Variants in MICU2 observed in about 807,000 individuals in gnomAD.
MICU2 encodes mitochondrial calcium uptake 2.
Under a neutral mutation model 60.4 loss-of-function variants are expected in MICU2, and 64 were observed. The ratio of observed to expected loss-of-function variants is 1.06; its 90% CI spans 0.87 to 1.31. The LOEUF (loss-of-function observed/expected upper bound fraction) is 1.31, where lower values mean the gene tolerates loss of function less well. Among genes scored for constraint, MICU2 ranks in the 50% most tolerant of loss-of-function variants. MICU2 has a pLI of 0.00. For synonymous variants in MICU2, 201 were observed against 175.0 expected, an observed-to-expected ratio of 1.15 and a Z score of -1.17; for missense variants, 569 against 531.0, an observed-to-expected ratio of 1.07 and a Z score of -0.70.
chr13:21,558,418 T>C (rs945234906), intron 2 of MICU2, among the ~76,000 whole-genome samples: 4 of 152,196 alleles, frequency 2.6e-5, no homozygotes, highest in Non-Finnish European at 5.9e-5. Context: ...CTTTCCCTAG[T>C]TCTCTTCCGC....
intron 9 of MICU2, among the ~76,000 whole-genome samples, chr13:21,501,405 G>A (rs1025265397): frequency 4.6e-5 from 7 of 152,050 alleles, no homozygotes; most frequent in Admixed American, 3.3e-4. Flanking sequence ...TGGGACTACA[G>A]GCACCTGCCA....
intron 1 of MICU2, among the ~76,000 whole-genome samples, chr13:21,602,392 G>A (rs1037000000): frequency 2.6e-5 from 4 of 151,964 alleles, no homozygotes; most frequent in Non-Finnish European, 5.9e-5. Context: ...CGCGATGGCG[G>A]GCGCCTGTAG....
At chr13:21,586,721 T>C (rs377309292) in intron 1 of MICU2, among the ~76,000 whole-genome samples, 13 of 152,212 alleles carry the variant, frequency 8.5e-5, no homozygotes, top group South Asian at 6.2e-4. Flanking sequence ...TGTTACAGCA[T>C]ATATTTTAGT....
intron 1 of MICU2, 156 bp downstream of exon 1, chr13:21,603,782 AG>A: frequency 1.3e-6 from 1 of 796,826 alleles, no homozygotes; most frequent in Admixed American, 3.0e-5. Context: ...CGGTCCAGGA[AG>A]GAGCGAGTCC....
At position 21,524,308 on chromosome 13, in the gene MICU2, C is replaced by A. The variant is rs116242776; in HGVS notation, c.467-1658G>T. Among the ~76,000 whole-genome samples the A allele has an allele frequency of 2.3e-3, 348 of 152,092 alleles. 3 individuals are homozygous for A. Among genetic ancestry groups the A allele is most frequent in the African/African-American group, 7.6e-3 (316 of 41,484 alleles). On this transcript the variant is annotated intron_variant, in intron 4 of 11. Transcript: ENST00000382374. ...AGCACCAATAATTATCAATTCATGG[C>A]AGGTCTTGCTTTATCTATATTCCTT... is the stretch of plus-strand genomic sequence containing the variant.
intron 2 of MICU2, among the ~76,000 whole-genome samples, chr13:21,547,079 G>A (rs1407492766): frequency 6.6e-6 from 1 of 152,136 alleles, no homozygotes; most frequent in Non-Finnish European, 1.5e-5. Flanking sequence ...GATCTTAGGG[G>A]CAAAGCATTC....
intron 1 of MICU2, among the ~76,000 whole-genome samples, chr13:21,602,428 A>C (rs2138083214): frequency 6.6e-6 from 1 of 152,246 alleles, no homozygotes; most frequent in African/African-American, 2.4e-5. Flanking sequence ...AGGCTGAGGC[A>C]GGAGAATGGC....
intron 8 of MICU2, among the ~76,000 whole-genome samples, chr13:21,507,237 A>C (rs1408211422): frequency 6.6e-6 from 1 of 152,224 alleles, no homozygotes; most frequent in South Asian, 2.1e-4. Context: ...AAAAAATTTA[A>C]AGTAAGAATT....
Position 21,493,114 on chromosome 13 carries a change from G to T in MICU2, c.*135C>A. ...AGTTCTTTAATAAAATTATGAATCA[G>T]AAAGCAAGTACAAGACATGCTTATT... is the stretch of plus-strand genomic sequence containing the variant. On this transcript the variant is annotated 3_prime_UTR_variant, in exon 12 of 12. Coordinates refer to ENST00000382374, the MANE Select transcript of MICU2 (RefSeq NM_152726.3). 1 of 462,226 alleles carries T rather than the reference G, an allele frequency of 2.2e-6. No individual in the cohort carries two copies. Among genetic ancestry groups the T allele is most frequent in the Non-Finnish European group, 3.7e-6 (1 of 271,430 alleles). The allele number at this position is 462,226 out of a possible 1,614,324, so 28.6% of individuals were successfully genotyped here. A position where few individuals can be genotyped will look rare whatever the true frequency, so the allele number is the denominator to read the frequency against.
chr13:21,586,398 C>T (rs1888457421), intron 1 of MICU2, among the ~76,000 whole-genome samples: 1 of 152,090 alleles, frequency 6.6e-6, no homozygotes, highest in Admixed American at 6.5e-5. Context: ...TCCAACTTTT[C>T]TACTTGTGTT....
chr13:21,521,906 T>C (rs1205669657), intron 5 of MICU2, among the ~76,000 whole-genome samples: 2 of 152,120 alleles, frequency 1.3e-5, no homozygotes, highest in Non-Finnish European at 2.9e-5. Context: ...CCTCGACAAG[T>C]AGTTGCGACT....
At chr13:21,511,689 C>G (rs1356811291) in intron 7 of MICU2, among the ~76,000 whole-genome samples, 1 of 150,862 alleles carries the variant, frequency 6.6e-6, no homozygotes, top group Non-Finnish European at 1.5e-5. Flanking sequence ...ACCAGCTTTC[C>G]TCCTGCTCCC....
chr13:21,534,313 C>T (rs1446572126), intron 4 of MICU2, among the ~76,000 whole-genome samples: 2 of 151,770 alleles, frequency 1.3e-5, no homozygotes, highest in Non-Finnish European at 2.9e-5. Context: ...AAGTGATTCT[C>T]TCCCACCTCA....
chr13:21,591,597 C>G (rs1888586059), intron 1 of MICU2, among the ~76,000 whole-genome samples: 1 of 152,200 alleles, frequency 6.6e-6, no homozygotes, highest in South Asian at 2.1e-4. Context: ...CCACATGGCA[C>G]TTATTCTAAA....
intron 1 of MICU2, among the ~76,000 whole-genome samples, chr13:21,579,398 T>A (rs1029611752): frequency 1.4e-4 from 21 of 149,514 alleles, no homozygotes; most frequent in African/African-American, 4.9e-4. Context: ...TGGAGTGCAA[T>A]GATGCAATCT....
At chr13:21,524,690 C>T (rs563347221) in intron 4 of MICU2, among the ~76,000 whole-genome samples, 8 of 152,296 alleles carry the variant, frequency 5.3e-5, no homozygotes, top group South Asian at 2.1e-4. Context: ...AGTACATTCA[C>T]GCTGTTGTAC....
Position 21,518,828 on chromosome 13 carries a change from A to C in MICU2, c.597+2417T>G, listed in dbSNP as rs1235422867. Among the ~76,000 whole-genome samples the C allele has an allele frequency of 3.3e-5, 5 of 152,326 alleles. No individual in the cohort carries two copies. In the South Asian group the frequency reaches 6.2e-4, roughly 19 times the overall value. On this transcript the variant is annotated intron_variant, in intron 6 of 11. Coordinates refer to ENST00000382374, the MANE Select transcript of MICU2 (RefSeq NM_152726.3). Reference sequence around the variant, plus strand: ...CCACTTGTGCAAACACATTTCCTTCAAATATTTATTTGAGATATTTGATTA... The same window carrying C: ...CCACTTGTGCAAACACATTTCCTTCCAATATTTATTTGAGATATTTGATTA...
chr13:21,602,361 A>C (rs542495071), intron 1 of MICU2, among the ~76,000 whole-genome samples: 24 of 152,182 alleles, frequency 1.6e-4, no homozygotes, highest in African/African-American at 4.6e-4. Context: ...TCTCTACTAA[A>C]AACACAAAAA....
chr13:21,534,855 A>C (rs971086015), intron 4 of MICU2, among the ~76,000 whole-genome samples: 1 of 152,226 alleles, frequency 6.6e-6, no homozygotes, highest in African/African-American at 2.4e-5. Flanking sequence ...AAAATGAGAA[A>C]GCATAAGACT....
Sources: gnomAD v4.1 joint callset for allele counts (sites outside exome capture counted in the v4.1 genomes callset) on GRCh38, gnomAD v4.1.1 for gene constraint, MANE v1.5 for transcripts, NCBI Gene and HGNC (gene_info 2026-07-23, HGNC 2026-07-21) for gene names.